Variants in TEP1 observed in about 807,000 individuals in gnomAD.
The protein encoded by TEP1 is telomerase associated protein 1.
A neutral mutation model predicts 306.3 loss-of-function variants in TEP1; 241 were observed. That is an observed-to-expected ratio of 0.79 (90% CI 0.71 to 0.88). TEP1 has a LOEUF of 0.88. TEP1 is among the 40% of genes least tolerant of loss of function. The pLI is 0.00. For synonymous variants in TEP1, 1,289 were observed against 1,305.5 expected (o/e 0.99, Z 0.27); for missense variants, 3,051 against 3,276.1 (o/e 0.93, Z 1.68).
Position 20,386,673 on chromosome 14 carries a change from C to T in TEP1, c.2685-50G>A, listed in dbSNP as rs74348618. 26 of 1,506,318 alleles carry T rather than the reference C, an allele frequency of 1.7e-5. No homozygotes were observed. The East Asian group carries it at 5.7e-4, about 33-fold the overall frequency. The allele number at this position is 1,506,318 out of a possible 1,614,324, so 93.3% of individuals were successfully genotyped here. On this transcript the variant is annotated intron_variant, in intron 18 of 54. Transcript: ENST00000262715. ...TCAGTCTAGGGATGATTCCCACCCC[C>T]CATCCATAGACACTGCTGTGATCAC...
chr14:20,401,343 T>C (rs1878721901), intron 8 of TEP1, 114 bp downstream of exon 8: 1 of 1,482,208 alleles, frequency 6.7e-7, no homozygotes, highest in African/African-American at 1.4e-5. Context: ...CTACAGGGCA[T>C]GTCTGTCTAA....
rs1007293980 is a variant in TEP1 at position 20,373,090 on chromosome 14, T to C, written c.6872A>G (p.Asp2291Gly). The C allele has an allele frequency of 1.2e-6, 2 of 1,614,212 alleles. No individual in the cohort carries two copies. The highest frequency in any genetic ancestry group is 1.7e-6 in the Non-Finnish European group (2 of 1,180,034). Residue 2291 changes from aspartate to glycine, a missense_variant, in exon 48 of 55, where the codon GAT becomes GGT. Physicochemically the swap from Asp to Gly is moderately conservative, Grantham distance 94 (BLOSUM62 -1). Coordinates refer to ENST00000262715, the MANE Select transcript of TEP1 (RefSeq NM_007110.5). ...ATTTCCAGATACTGCCATGGAACCATCTGGTGCCCAAGCCACAGCAGTGAC... is the reference window on the plus strand; with the variant it reads ...ATTTCCAGATACTGCCATGGAACCACCTGGTGCCCAAGCCACAGCAGTGAC... Reference protein sequence around the residue: ...AAVTAVAWAPDGSMAVSGNQA... With the variant: ...AAVTAVAWAPGGSMAVSGNQA...
In TEP1 at chr14:20,389,712, C is replaced by T. The variant is rs766653189; in HGVS notation, c.2363G>A (p.Ser788Asn). The change falls in exon 16 of 55, where the codon AGC (serine) becomes AAC (asparagine). Residue 788 changes from serine (S) to asparagine (N), a missense_variant. Coordinates refer to ENST00000262715, the MANE Select transcript of TEP1 (RefSeq NM_007110.5). ...PVDRVILLGQ[S>N]MDDGMINVAK... ...CACATTTATCATTCCATCATCCATG[C>T]TTTGGCCAAGGAGGATGACCCTGTC... 1.2e-6 allele frequency: 2 copies of T among 1,614,214 alleles called. No homozygotes were observed. Among genetic ancestry groups the T allele is most frequent in the South Asian group, 1.1e-5 (1 of 91,086 alleles).
Position 20,382,428 on chromosome 14 carries a change from G to A in TEP1, c.4141-72C>T, listed in dbSNP as rs957386581. The A allele has an allele frequency of 1.8e-5, 28 of 1,561,336 alleles. No homozygotes were observed. In the African/African-American group the frequency reaches 3.0e-4, roughly 17 times the overall value. On this transcript the variant is annotated intron_variant, in intron 28 of 54. Transcript: ENST00000262715. Reference sequence around the variant, plus strand: ...GCAGCTTGGCTTGTGGGATAGGGAAGGGGCAGCAGGAGGACAGTGTGGAGG... The same window carrying A: ...GCAGCTTGGCTTGTGGGATAGGGAAAGGGCAGCAGGAGGACAGTGTGGAGG...
chr14:20,377,013 C>T (rs561063319), intron 41 of TEP1, among the ~76,000 whole-genome samples: 5 of 152,002 alleles, frequency 3.3e-5, no homozygotes, highest in Admixed American at 1.3e-4. Flanking sequence ...GTCAGGAGTT[C>T]GAGACCAGCA....
At chr14:20,401,821 T>A (rs1371157415) in intron 7 of TEP1, among the ~76,000 whole-genome samples, 1 of 152,034 alleles carries the variant, frequency 6.6e-6, no homozygotes, top group African/African-American at 2.4e-5. Flanking sequence ...GCAGTTAACA[T>A]GGGTTGACTG....
At chr14:20,369,872 A>AT (rs60087138) in intron 51 of TEP1, 93 bp from the exon 52 acceptor site, 141,412 of 728,306 alleles carry the variant, frequency 0.19, 6,171 homozygotes, top group African/African-American at 0.36. Flanking sequence ...CTGGTCAGGA[A>AT]TTTTTTTTTT....
intron 12 of TEP1, among the ~76,000 whole-genome samples, chr14:20,393,110 G>A (rs574703579): frequency 3.3e-5 from 5 of 152,068 alleles, no homozygotes; most frequent in Admixed American, 1.3e-4. Flanking sequence ...CCAGCTACTC[G>A]GGAGGCTGAA....
At chr14:20,389,404 G>A (rs1877506553) in intron 16 of TEP1, 107 bp from the exon 17 acceptor site, 2 of 1,458,192 alleles carry the variant, frequency 1.4e-6, no homozygotes, top group Non-Finnish European at 1.9e-6. Flanking sequence ...CCTTTAATAG[G>A]GTTATGTGGT....
rs367974917 is a variant in TEP1, at chr14:20,404,092, C to T, written c.1033-208G>A. 5.9e-5 allele frequency among the ~76,000 whole-genome samples: 9 copies of T among 152,250 alleles called. No individual in the cohort carries two copies. The East Asian group carries it at 7.8e-4, about 13-fold the overall frequency. ...GGCTGGGCAGGGTGGCTCACCTTTACGCCTGTAATCCCAGCACTTAGGGAG... is the reference window on the plus strand; with the variant it reads ...GGCTGGGCAGGGTGGCTCACCTTTATGCCTGTAATCCCAGCACTTAGGGAG... On this transcript the variant is annotated intron_variant, in intron 5 of 54. Coordinates refer to ENST00000262715, the MANE Select transcript of TEP1 (RefSeq NM_007110.5).
chr14:20,387,108 A>G (rs376580636), intron 18 of TEP1, among the ~76,000 whole-genome samples: 78 of 151,180 alleles, frequency 5.2e-4, no homozygotes, highest in Admixed American at 2.4e-3. Flanking sequence ...CTAATTTTGT[A>G]TTTTTAGTAG....
rs199863281 is a variant in TEP1, at chr14:20,389,679, T to C, written c.2396A>G (p.Gln799Arg). 763 of 1,614,214 alleles carry C rather than the reference T, an allele frequency of 4.7e-4. 6 individuals carry two copies. Among genetic ancestry groups the C allele is most frequent in the Non-Finnish European group, 2.2e-4 (257 of 1,180,034 alleles). ...MDDGMINVAK[Q>R]LYWQRVNSKC... The stretch of plus-strand genomic sequence containing the variant: ...GGAATTCACACGCTGCCAGTAAAGC[T>C]GTTTGGCCACATTTATCATTCCATC... Residue 799 changes from glutamine to arginine, a missense_variant, in exon 16 of 55, where the codon CAG becomes CGG. Gln to Arg is a conservative substitution (Grantham distance 43). Transcript: ENST00000262715.
At position 20,395,880 on chromosome 14, in the gene TEP1, C is replaced by T. The variant is rs146890821; in HGVS notation, c.1729G>A (p.Glu577Lys). ...LNAHDAIDAL[E>K]AQLRNQALPF... ...ATACCTTGATTTCTGAGTTGAGCCTCGAGGGCATCAATGGCATCATGGGCG... is the reference window on the plus strand; with the variant it reads ...ATACCTTGATTTCTGAGTTGAGCCTTGAGGGCATCAATGGCATCATGGGCG... The change falls in exon 11 of 55, where the codon GAG (glutamate) becomes AAG (lysine). Residue 577 changes from glutamate to lysine, a missense_variant. Physicochemically the swap from Glu to Lys is moderately conservative, Grantham distance 56 (BLOSUM62 1). Around this residue, in one of 3 missense-constraint regions of TEP1, gnomAD observed 1,507 missense variants for 1,550.5 expected, o/e 0.97. Transcript: ENST00000262715. 37 of 1,613,758 alleles carry T rather than the reference C, an allele frequency of 2.3e-5. No homozygotes were observed. The highest frequency in any genetic ancestry group is 4.5e-5 in the East Asian group (2 of 44,892).
intron 43 of TEP1, 125 bp downstream of exon 43, chr14:20,375,630 A>G (rs1170369779): frequency 3.2e-6 from 2 of 629,814 alleles, no homozygotes; most frequent in African/African-American, 3.6e-5. Context: ...CCTGGCACAT[A>G]TCAAGTTTGA....
intron 19 of TEP1, 120 bp from the exon 20 acceptor site, chr14:20,386,315 CTT>C: frequency 6.3e-7 from 1 of 1,588,688 alleles, no homozygotes; most frequent in South Asian, 1.1e-5. Flanking sequence ...GTAGGCTGCT[CTT>C]GTTAGTATCC....
At chr14:20,380,539 T>G in intron 33 of TEP1, 64 bp from the exon 34 acceptor site, 6 of 1,545,858 alleles carry the variant, frequency 3.9e-6, no homozygotes, top group Non-Finnish European at 5.2e-6. Flanking sequence ...CAGCACCAAA[T>G]AAAACCATAT....
chr14:20,378,252 G>A lies in TEP1; in HGVS notation c.5509-16C>T. On this transcript the variant is annotated splice_polypyrimidine_tract_variant and intron_variant, in intron 38 of 54. Coordinates refer to ENST00000262715, the MANE Select transcript of TEP1 (RefSeq NM_007110.5). ...CCCCCAGGTCCTACACAGGGAGGTA[G>A]AAATGGAAACGTGAAGACCTGCTCT... The A allele has an allele frequency of 6.2e-7, 1 of 1,613,564 alleles. No homozygotes were observed. Among genetic ancestry groups the A allele is most frequent in the Non-Finnish European group, 8.5e-7 (1 of 1,179,862 alleles).
chr14:20,368,918 G>A lies in TEP1; in HGVS notation c.7657-16C>T. On this transcript the variant is annotated splice_polypyrimidine_tract_variant and intron_variant, in intron 53 of 54. Coordinates refer to ENST00000262715, the MANE Select transcript of TEP1 (RefSeq NM_007110.5). ...CCGAGTGAATCTCAAAGAGGAAAGG[G>A]GAGAGCAGAATGGTGAGTTCTCAGG... 4 of 1,603,672 alleles carry A rather than the reference G, an allele frequency of 2.5e-6. No homozygotes were observed. Among genetic ancestry groups the A allele is most frequent in the Non-Finnish European group, 3.4e-6 (4 of 1,172,970 alleles).
In TEP1 at chr14:20,391,080, G is replaced by A; in HGVS notation, c.2114C>T (p.Ala705Val). Reference protein sequence around the residue: ...SNPQGPPLNYALLLIGMMITR... With the variant: ...SNPQGPPLNYVLLLIGMMITR... ...GATCATCATCCCAATCAACAGCAGTGCATAGTTCAGCGGGGGCTGATTGGA... is the reference window on the plus strand; with the variant it reads ...GATCATCATCCCAATCAACAGCAGTACATAGTTCAGCGGGGGCTGATTGGA... The change falls in exon 14 of 55, where the codon GCA (alanine) becomes GTA (valine). Residue 705 changes from alanine (A) to valine (V), a missense_variant. Around this residue, in one of 3 missense-constraint regions of TEP1, gnomAD observed 1,507 missense variants for 1,550.5 expected, o/e 0.97. Transcript: ENST00000262715. 1 of 1,614,082 alleles carries A rather than the reference G, an allele frequency of 6.2e-7. No individual in the cohort carries two copies. The highest frequency in any genetic ancestry group is 8.5e-7 in the Non-Finnish European group (1 of 1,180,028).
Sources: gnomAD v4.1 joint callset for allele counts (sites outside exome capture counted in the v4.1 genomes callset) on GRCh38, gnomAD v4.1.1 for gene constraint, gnomAD v4.1.1 regional missense constraint, MANE v1.5 for transcripts, NCBI Gene and HGNC (gene_info 2026-07-23, HGNC 2026-07-21) for gene names.